The following HIPK2 variants were observed in gnomAD, a reference collection of about 807,000 sequenced individuals.
The protein encoded by HIPK2 is homeodomain interacting protein kinase 2.
A neutral mutation model predicts 113.7 loss-of-function variants in HIPK2; 27 were observed. The ratio of observed to expected loss-of-function variants is 0.24; its 90% CI spans 0.17 to 0.33. The LOEUF (loss-of-function observed/expected upper bound fraction) is 0.33, where lower values mean the gene tolerates loss of function less well. Ranked by LOEUF, HIPK2 falls within the 10% of genes least tolerant of loss-of-function variation. The pLI, the probability that HIPK2 is intolerant of heterozygous loss-of-function variation, is 1.00. For synonymous variants in HIPK2, 631 were observed against 642.2 expected (o/e 0.98, Z 0.26); for missense variants, 1,257 against 1,588.0 (o/e 0.79, Z 3.54).
Position 139,572,897 on chromosome 7 carries a change from C to G in HIPK2, c.*30G>C. 1.8e-6 allele frequency: 1 copy of G among 571,116 alleles called. No homozygotes were observed. The highest frequency in any genetic ancestry group is 3.2e-6 in the Non-Finnish European group (1 of 308,982). 35.4% of individuals were successfully genotyped at this position (571,116 alleles called of 1,614,324 possible). On this transcript the variant is annotated 3_prime_UTR_variant, in exon 15 of 15. Coordinates refer to ENST00000406875, the MANE Select transcript of HIPK2 (RefSeq NM_022740.5). ...CCTCCTCCCTCGGGCCATTCTCTCCCTCCCTCCCTCCCTCCCTCCCCTCCA... is the reference window on the plus strand; with the variant it reads ...CCTCCTCCCTCGGGCCATTCTCTCCGTCCCTCCCTCCCTCCCTCCCCTCCA...
chr7:139,718,089 A>G (rs1795302006), intron 1 of HIPK2, among the ~76,000 whole-genome samples: 2 of 152,328 alleles, frequency 1.3e-5, no homozygotes, highest in South Asian at 4.1e-4. Context: ...CAATTTAGAT[A>G]AACTTAGAAA....
chr7:139,723,188 TTTC>T (rs1254771151), intron 1 of HIPK2, among the ~76,000 whole-genome samples: 5 of 140,168 alleles, frequency 3.6e-5, no homozygotes, highest in East Asian at 4.0e-4. Context: ...GGTTTTTTTC[TTTC>T]TTCTTTTTTT....
chr7:139,614,362 C>T lies in HIPK2; in HGVS notation c.1914G>A (p.Gln638=). 2 of 1,586,090 alleles carry T rather than the reference C, an allele frequency of 1.3e-6. No individual in the cohort carries two copies. The highest frequency in any genetic ancestry group is 1.7e-6 in the Non-Finnish European group (2 of 1,161,604). The change falls in exon 8 of 15, where the codon CAG becomes CAA. Residue 638 remains glutamine (Q), a synonymous_variant. Transcript: ENST00000406875. The part of the protein sequence containing the change: ...AAVAQRSMPL[Q]TGTAQICARP... Reference sequence around the variant, plus strand: ...GGGCACAAATCTGGGCTGTTCCTGTCTGCAGGGGCATGCTCCGCTGGGCCA... The same window carrying T: ...GGGCACAAATCTGGGCTGTTCCTGTTTGCAGGGGCATGCTCCGCTGGGCCA...
chr7:139,768,947 TTC>T (rs1328761474), intron 1 of HIPK2, among the ~76,000 whole-genome samples: 1 of 152,212 alleles, frequency 6.6e-6, no homozygotes, highest in East Asian at 1.9e-4. Context: ...TGGCCTCAGA[TTC>T]TCATGTGTCA....
intron 2 of HIPK2, among the ~76,000 whole-genome samples, chr7:139,658,268 T>C (rs895917800): frequency 2.6e-4 from 39 of 150,160 alleles, no homozygotes; most frequent in African/African-American, 9.4e-4. Flanking sequence ...ATCGTGCCAT[T>C]GCACTCCAGC....
intron 2 of HIPK2, among the ~76,000 whole-genome samples, chr7:139,672,784 T>C (rs933100104): frequency 3.9e-5 from 6 of 152,238 alleles, no homozygotes; most frequent in Non-Finnish European, 5.9e-5. Flanking sequence ...TATTCACTTC[T>C]GGTGATTAAT....
At chr7:139,585,822 A>G (rs777788232) in intron 12 of HIPK2, among the ~76,000 whole-genome samples, 1 of 152,242 alleles carries the variant, frequency 6.6e-6, no homozygotes, top group Non-Finnish European at 1.5e-5. Flanking sequence ...CTATCAGGGT[A>G]AGGACTTGCT....
At chr7:139,608,431 G>A (rs1362202465) in intron 9 of HIPK2, among the ~76,000 whole-genome samples, 1 of 150,408 alleles carries the variant, frequency 6.6e-6, no homozygotes, top group Non-Finnish European at 1.5e-5. Flanking sequence ...TTAAGGATGG[G>A]ATAGAGCAGA....
intron 1 of HIPK2, among the ~76,000 whole-genome samples, chr7:139,744,746 G>A (rs1189235986): frequency 6.6e-6 from 1 of 152,196 alleles, no homozygotes; most frequent in Non-Finnish European, 1.5e-5. Flanking sequence ...CCACGTGACG[G>A]ACTTACGGCA....
chr7:139,727,935 A>ATTTTTTTTTTTTTTTTTTTTTTT (rs10524758), intron 1 of HIPK2, among the ~76,000 whole-genome samples: 1 of 116,664 alleles, frequency 8.6e-6, no homozygotes. Context: ...GCATTGGCTA[A>ATTTTTTTTTTTTTTTTTTTTTTT]TTTTTTTTTT....
chr7:139,579,420 A>G (rs1798594665), intron 13 of HIPK2, among the ~76,000 whole-genome samples: 1 of 152,204 alleles, frequency 6.6e-6, no homozygotes, highest in Admixed American at 6.5e-5. Context: ...GAATCTGGTC[A>G]TTCTTGGGGC....
chr7:139,640,726 C>T (rs776602854), intron 2 of HIPK2, among the ~76,000 whole-genome samples: 2 of 151,984 alleles, frequency 1.3e-5, no homozygotes, highest in Middle Eastern at 3.4e-3. Flanking sequence ...CTTGGTTGAC[C>T]GCACCTTCCA....
chr7:139,751,579 G>T (rs1234175837), intron 1 of HIPK2, among the ~76,000 whole-genome samples: 1 of 147,560 alleles, frequency 6.8e-6, no homozygotes, highest in Non-Finnish European at 1.5e-5. Flanking sequence ...TGGATGGATG[G>T]TTGGATGGAT....
intron 1 of HIPK2, among the ~76,000 whole-genome samples, chr7:139,760,900 T>C (rs368949024): frequency 1.3e-5 from 2 of 152,316 alleles, no homozygotes; most frequent in African/African-American, 4.8e-5. Context: ...GTGCCATGAA[T>C]GAACACAGAT....
intron 13 of HIPK2, among the ~76,000 whole-genome samples, chr7:139,578,676 CT>C (rs1798571153): frequency 6.6e-6 from 1 of 152,048 alleles, no homozygotes; most frequent in Non-Finnish European, 1.5e-5. Flanking sequence ...AGCTAAATTC[CT>C]TTTTTTATTT....
Position 139,777,614 on chromosome 7 carries a change from CG to C in HIPK2, c.9del (p.Val4CysfsTer25). On this transcript the variant is annotated frameshift_variant, in exon 1 of 15. Coordinates refer to ENST00000406875, the MANE Select transcript of HIPK2 (RefSeq NM_022740.5). LOFTEE classifies it high-confidence loss of function. The stretch of plus-strand genomic sequence containing the variant: ...GCCGGGCGCCCCTTACCTTCGTACA[CG>C]GGGGCCATCGGGGCCGGGGTGTCCG... Reference protein sequence around the residue: MAPVYEGMASHVQ... With the variant: MAXVYEGMASHVQ... 5 of 1,069,878 alleles carry C rather than the reference CG, an allele frequency of 4.7e-6. No individual in the cohort carries two copies. The highest frequency in any genetic ancestry group is 5.6e-5 in the East Asian group (1 of 17,810). The allele number at this position is 1,069,878 out of a possible 1,614,324, so 66.3% of individuals were successfully genotyped here. A position where few individuals can be genotyped will look rare whatever the true frequency, so the allele number is the denominator to read the frequency against.
At chr7:139,735,367 G>C (rs957802443) in intron 1 of HIPK2, among the ~76,000 whole-genome samples, 1 of 152,176 alleles carries the variant, frequency 6.6e-6, no homozygotes, top group Admixed American at 6.5e-5. Context: ...AAATGATTCA[G>C]ATTGATCCAT....
chr7:139,765,923 C>T (rs960589844), intron 1 of HIPK2, among the ~76,000 whole-genome samples: 1 of 152,230 alleles, frequency 6.6e-6, no homozygotes, highest in Non-Finnish European at 1.5e-5. Context: ...AACCTATGTC[C>T]TACCACCTTA....
At chr7:139,674,249 G>A (rs2116661029) in intron 2 of HIPK2, among the ~76,000 whole-genome samples, 1 of 152,318 alleles carries the variant, frequency 6.6e-6, no homozygotes, top group South Asian at 2.1e-4. Flanking sequence ...TGGTGGGGAA[G>A]GCCTCTCATC....
Sources: allele counts gnomAD v4.1 joint callset (sites outside exome capture counted in the v4.1 genomes callset), GRCh38; gene constraint gnomAD v4.1.1; transcripts MANE v1.5; gene names NCBI Gene and HGNC (gene_info 2026-07-23, HGNC 2026-07-21).